Variants in NFASC observed in about 807,000 individuals in gnomAD.
NFASC encodes the protein neurofascin homolog.
In NFASC, 43 loss-of-function variants were observed where a neutral mutation model predicts 147.5. The ratio of observed to expected loss-of-function variants is 0.29; its 90% CI spans 0.23 to 0.38. The LOEUF is 0.38. Ranked by LOEUF, NFASC falls within the 10% of genes least tolerant of loss-of-function variation. The pLI, the probability that NFASC is intolerant of heterozygous loss-of-function variation, is 1.00. For missense variants in NFASC, 1,320 were observed against 1,689.0 expected (o/e 0.78, Z 3.83); for synonymous variants, 622 against 665.5 (o/e 0.93, Z 1.01).
chr1:204,951,315 ATTTTTTTTTT>A (rs33974199), intron 4 of NFASC, among the ~76,000 whole-genome samples: 3 of 118,816 alleles, frequency 2.5e-5, no homozygotes, highest in Non-Finnish European at 5.2e-5. Context: ...TGCCCGGCTA[ATTTTTTTTTT>A]TTTTTTTTTT....
Position 204,968,343 on chromosome 1 carries a change from A to C in NFASC, c.801A>C (p.Glu267Asp). ...MVLRGMDLLL[E>D]CIASGVPTPD... ...TTCGTGGCATGGACCTCCTGCTGGA[A>C]TGCATCGCCTCCGGGGTGTATGTGC... Residue 267 changes from glutamate to aspartate, a missense_variant, in exon 9 of 30, where the codon GAA (glutamate) becomes GAC (aspartate). Around this residue, in one of 3 missense-constraint regions of NFASC, gnomAD observed 981 missense variants for 1,289.5 expected, o/e 0.76. Transcript: ENST00000339876. The surrounding 1 kb of genome is among the most constrained non-coding windows in gnomAD (Gnocchi z 5.4). 6.2e-7 allele frequency: 1 copy of C among 1,613,704 alleles called. No individual in the cohort carries two copies. The highest frequency in any genetic ancestry group is 8.5e-7 in the Non-Finnish European group (1 of 1,179,596).
Position 204,979,432 on chromosome 1 carries a change from C to A in NFASC, c.2049C>A (p.Gly683=). The change falls in exon 19 of 30, where the codon GGC becomes GGA. Residue 683 remains glycine, a synonymous_variant. Coordinates refer to ENST00000339876, the MANE Select transcript of NFASC (RefSeq NM_001005388.3). This position sits in a 1 kb window ranked among gnomAD's most constrained non-coding sequence, Gnocchi z 6.0. The part of the protein sequence containing the change: ...GVWHDHSKYP[G]SVNSAVLRLS... ...GGCATGACCATTCCAAGTACCCCGG[C>A]AGCGTTAACTCAGCCGTCCTCCGGC... The A allele has an allele frequency of 6.2e-7, 1 of 1,614,082 alleles. No homozygotes were observed. Among genetic ancestry groups the A allele is most frequent in the Non-Finnish European group, 8.5e-7 (1 of 1,179,978 alleles).
Position 204,979,011 on chromosome 1 carries a change from C to A in NFASC, c.1920C>A (p.Ala640=). 6.4e-7 allele frequency: 1 copy of A among 1,564,662 alleles called. No homozygotes were observed. Among genetic ancestry groups the A allele is most frequent in the East Asian group, 2.4e-5 (1 of 41,994 alleles). ...RPRDLELTDL[A]ERSVRLTWIP... ...GGGACCTGGAGCTGACCGACCTGGC[C>A]GAGAGGAGCGTGCGGCTGACCTGGA... The change falls in exon 18 of 30, where the codon GCC becomes GCA. Residue 640 remains alanine, a synonymous_variant. Coordinates refer to ENST00000339876, the MANE Select transcript of NFASC (RefSeq NM_001005388.3). This position sits in a 1 kb window ranked among gnomAD's most constrained non-coding sequence, Gnocchi z 6.0.
At chr1:204,988,966 G>T (rs960222621) in intron 23 of NFASC, 160 bp downstream of exon 23, 1 of 668,488 alleles carries the variant, frequency 1.5e-6, no homozygotes, top group African/African-American at 1.8e-5. Flanking sequence ...TGTGTGAGAG[G>T]TAGGTGCTGG....
At chr1:204,905,732 A>G (rs2085707220) in intron 1 of NFASC, among the ~76,000 whole-genome samples, 1 of 152,176 alleles carries the variant, frequency 6.6e-6, no homozygotes, top group Non-Finnish European at 1.5e-5. Flanking sequence ...GCTGTGGTGA[A>G]TAGGACTGTG....
At chr1:204,833,125 G>A (rs557338969) in intron 1 of NFASC, among the ~76,000 whole-genome samples, 5 of 152,282 alleles carry the variant, frequency 3.3e-5, no homozygotes, top group Non-Finnish European at 7.4e-5. Context: ...GAACTCTCAG[G>A]CCACCCTTTT....
At chr1:204,846,818 T>C (rs1454549681) in intron 1 of NFASC, among the ~76,000 whole-genome samples, 3 of 152,100 alleles carry the variant, frequency 2.0e-5, no homozygotes. Context: ...TTGTTCATTA[T>C]TTGTTTTGTG....
intron 1 of NFASC, among the ~76,000 whole-genome samples, chr1:204,888,186 C>T (rs2081684463): frequency 1.3e-5 from 2 of 152,182 alleles, no homozygotes; most frequent in Admixed American, 6.5e-5. Context: ...GGGCAGTTAT[C>T]TGCTTGTATT....
intron 10 of NFASC, among the ~76,000 whole-genome samples, chr1:204,970,074 C>CAAA (rs11307141): frequency 7.2e-4 from 47 of 65,434 alleles, no homozygotes; most frequent in Non-Finnish European, 8.0e-4. Context: ...GACTCCATCT[C>CAAA]AAAAAAAAAA....
chr1:205,007,582 A>G (rs180978082), intron 27 of NFASC, among the ~76,000 whole-genome samples: 2 of 152,162 alleles, frequency 1.3e-5, no homozygotes, highest in African/African-American at 4.8e-5. Flanking sequence ...ATGAAATAAG[A>G]GATAGCAGCT....
At chr1:204,847,345 C>T (rs2075271688) in intron 1 of NFASC, among the ~76,000 whole-genome samples, 2 of 152,144 alleles carry the variant, frequency 1.3e-5, no homozygotes, top group African/African-American at 2.4e-5. Context: ...TTTTCAGCTG[C>T]CCTGTTTTCC....
At chr1:204,885,185 G>A (rs927289173) in intron 1 of NFASC, among the ~76,000 whole-genome samples, 2 of 152,092 alleles carry the variant, frequency 1.3e-5, no homozygotes, top group Non-Finnish European at 2.9e-5. Flanking sequence ...GGAGCCCAGG[G>A]TGGGAACAAC....
At chr1:204,831,397 T>C (rs61819415) in intron 1 of NFASC, among the ~76,000 whole-genome samples, 3,437 of 143,396 alleles carry the variant, frequency 0.024, 86 homozygotes, top group African/African-American at 0.061. Context: ...ATTGAAGAGG[T>C]GGCTGAGAGC....
rs954747005 is a variant in NFASC at position 205,021,205 on chromosome 1, G to A, written c.*4666G>A. ...CATGTGAGTCCAAGCCAGACTTTGT[G>A]GCTGTCCCCAGCCTGCACAGCCCAA... On this transcript the variant is annotated 3_prime_UTR_variant, in exon 30 of 30. Coordinates refer to ENST00000339876, the MANE Select transcript of NFASC (RefSeq NM_001005388.3). 6 of 152,582 alleles carry A rather than the reference G, an allele frequency of 3.9e-5. No individual in the cohort carries two copies. The highest frequency in any genetic ancestry group is 1.4e-4 in the African/African-American group (6 of 41,532). 9.5% of individuals were successfully genotyped at this position (152,582 alleles called of 1,614,324 possible).
chr1:204,842,901 TCTGCCATTGG>T (rs1429972947), intron 1 of NFASC, among the ~76,000 whole-genome samples: 2 of 152,212 alleles, frequency 1.3e-5, no homozygotes, highest in Non-Finnish European at 2.9e-5. Context: ...ATGGGAGTTG[TCTGCCATTGG>T]TGTGGAGGGA....
intron 2 of NFASC, among the ~76,000 whole-genome samples, chr1:204,927,099 T>C (rs1573158295): frequency 6.6e-6 from 1 of 152,076 alleles, no homozygotes; most frequent in East Asian, 1.9e-4. Flanking sequence ...GATAGATAGA[T>C]AGATGGATGG....
At chr1:204,967,010 C>T (rs1006135609) in intron 8 of NFASC, among the ~76,000 whole-genome samples, 1 of 152,078 alleles carries the variant, frequency 6.6e-6, no homozygotes, top group Non-Finnish European at 1.5e-5. Flanking sequence ...GATAAAGTTC[C>T]CCCGCACTCT....
At chr1:204,899,560 G>A (rs1176465005) in intron 1 of NFASC, among the ~76,000 whole-genome samples, 1 of 152,196 alleles carries the variant, frequency 6.6e-6, no homozygotes, top group Admixed American at 6.5e-5. Flanking sequence ...CAGTATATTT[G>A]TCTGGCCTTG....
chr1:205,014,358 G>A (rs540523666), intron 29 of NFASC, among the ~76,000 whole-genome samples: 1 of 152,342 alleles, frequency 6.6e-6, no homozygotes, highest in South Asian at 2.1e-4. Context: ...TCCCTTGGAT[G>A]AGTCTAAGAG....
Sources: allele counts gnomAD v4.1 joint callset (sites outside exome capture counted in the v4.1 genomes callset), GRCh38; gene constraint gnomAD v4.1.1; regional missense constraint gnomAD v4.1.1; non-coding constraint Gnocchi (gnomAD v3.1); transcripts MANE v1.5; gene names NCBI Gene and HGNC (gene_info 2026-07-23, HGNC 2026-07-21).